MNAT1: variants seen among roughly 807,000 people sequenced by gnomAD.
The protein encoded by MNAT1 is MNAT1 component of CDK activating kinase, also known as CDK-activating kinase assembly factor MAT1.
A neutral mutation model predicts 42.0 loss-of-function variants in MNAT1; 43 were observed. The observed-to-expected ratio is 1.02, with a 90% CI of 0.80 to 1.32. The LOEUF (loss-of-function observed/expected upper bound fraction) is 1.32, where lower values mean the gene tolerates loss of function less well. MNAT1 is among the 40% of genes most tolerant of loss of function. MNAT1 has a pLI of 0.00. For synonymous variants in MNAT1, 118 were observed against 120.0 expected (o/e 0.98, Z 0.11); for missense variants, 306 against 350.4 (o/e 0.87, Z 1.01).
chr14:60,897,523 T>C (rs1211312556), intron 7 of MNAT1, among the ~76,000 whole-genome samples: 1 of 152,136 alleles, frequency 6.6e-6, no homozygotes, highest in African/African-American at 2.4e-5. Flanking sequence ...ATATCTTTAT[T>C]TAAGGTGTGT....
intron 1 of MNAT1, among the ~76,000 whole-genome samples, chr14:60,742,197 C>T (rs975235734): frequency 3.3e-5 from 5 of 151,902 alleles, no homozygotes; most frequent in Admixed American, 6.6e-5. Flanking sequence ...GGGATCCTTC[C>T]ACTTCAGCCA....
At chr14:60,799,685 G>A (rs541795663) in intron 3 of MNAT1, among the ~76,000 whole-genome samples, 73 of 151,086 alleles carry the variant, frequency 4.8e-4, no homozygotes, top group South Asian at 1.5e-3. Context: ...TTCTGACTGA[G>A]CTATGATTAA....
At position 60,811,986 on chromosome 14, in the gene MNAT1, G is replaced by T; in HGVS notation, c.421-1G>T. 1 of 1,567,688 alleles carries T rather than the reference G, an allele frequency of 6.4e-7. No individual in the cohort carries two copies. The highest frequency in any genetic ancestry group is 1.2e-5 in the South Asian group (1 of 80,016). ...ACGCCATATATAAATTTTTGTTTTA[G>T]ACTCGAGAACAGGAAGAACTGGAAG... On this transcript the variant is annotated splice_acceptor_variant, in intron 4 of 7. Coordinates refer to ENST00000261245, the MANE Select transcript of MNAT1 (RefSeq NM_002431.4). LOFTEE classifies it high-confidence loss of function.
At chr14:60,954,711 C>CT (rs2036448877) in intron 7 of MNAT1, among the ~76,000 whole-genome samples, 1 of 152,088 alleles carries the variant, frequency 6.6e-6, no homozygotes, top group Admixed American at 6.6e-5. Flanking sequence ...TTTCCTATTT[C>CT]TTCTTTTGCC....
At chr14:60,837,862 C>G (rs1442419847) in intron 6 of MNAT1, among the ~76,000 whole-genome samples, 1 of 152,134 alleles carries the variant, frequency 6.6e-6, no homozygotes, top group Non-Finnish European at 1.5e-5. Flanking sequence ...TTTAGCTATA[C>G]TATTTAAGAT....
At chr14:60,901,199 A>G (rs1452508167) in intron 7 of MNAT1, among the ~76,000 whole-genome samples, 1 of 152,104 alleles carries the variant, frequency 6.6e-6, no homozygotes, top group Non-Finnish European at 1.5e-5. Context: ...CCTGTGCTTT[A>G]TAAATGGAAT....
intron 1 of MNAT1, among the ~76,000 whole-genome samples, chr14:60,759,903 T>G (rs1281247412): frequency 6.6e-6 from 1 of 152,174 alleles, no homozygotes; most frequent in Non-Finnish European, 1.5e-5. Context: ...TTTTAAATTA[T>G]AAGAACAGTT....
chr14:60,920,920 C>T (rs1037415972), intron 7 of MNAT1, among the ~76,000 whole-genome samples: 1 of 152,164 alleles, frequency 6.6e-6, no homozygotes, highest in Non-Finnish European at 1.5e-5. Flanking sequence ...TTCAACCTTT[C>T]AAATGTAAAA....
At chr14:60,873,366 C>A (rs1013417712) in intron 6 of MNAT1, among the ~76,000 whole-genome samples, 2 of 151,990 alleles carry the variant, frequency 1.3e-5, no homozygotes, top group Non-Finnish European at 2.9e-5. Context: ...CCATTTTATA[C>A]CCATTTTGGA....
At chr14:60,826,359 C>T (rs1479293742) in intron 6 of MNAT1, among the ~76,000 whole-genome samples, 1 of 145,118 alleles carries the variant, frequency 6.9e-6, no homozygotes, top group Non-Finnish European at 1.5e-5. Context: ...CTCTGTCCCC[C>T]AGGCTGGAGT....
At chr14:60,780,172 A>G (rs996262143) in intron 1 of MNAT1, 1 of 1,519,250 alleles carries the variant, frequency 6.6e-7, no homozygotes, top group South Asian at 1.1e-5. Context: ...TAAAATACCT[A>G]AATAATGTGG....
At chr14:60,779,837 T>G in intron 1 of MNAT1, 2 of 597,868 alleles carry the variant, frequency 3.3e-6, no homozygotes, top group South Asian at 2.3e-5. Context: ...CCTGCTAGAG[T>G]GAACTTACTC....
intron 6 of MNAT1, among the ~76,000 whole-genome samples, chr14:60,836,889 T>C (rs2033405580): frequency 6.6e-6 from 1 of 152,186 alleles, no homozygotes; most frequent in Admixed American, 6.5e-5. Context: ...GAGTTTTACC[T>C]ATAAGCCCCT....
intron 7 of MNAT1, among the ~76,000 whole-genome samples, chr14:60,926,658 C>T (rs531200682): frequency 5.3e-5 from 8 of 152,230 alleles, no homozygotes; most frequent in Non-Finnish European, 5.9e-5. Context: ...GCCACGCACC[C>T]GCCACGGATC....
At chr14:60,751,661 A>G (rs910575794) in intron 1 of MNAT1, among the ~76,000 whole-genome samples, 1 of 151,972 alleles carries the variant, frequency 6.6e-6, no homozygotes, top group Non-Finnish European at 1.5e-5. Flanking sequence ...ACAAACAAAT[A>G]TATATATTCT....
At position 60,969,117 on chromosome 14, in the gene MNAT1, C is replaced by T. The variant is rs1442203885; in HGVS notation, c.*768C>T. On this transcript the variant is annotated 3_prime_UTR_variant, in exon 8 of 8. Coordinates refer to ENST00000261245, the MANE Select transcript of MNAT1 (RefSeq NM_002431.4). ...CATTTTATGATGAATCCTTTGGAGACTGGAGAAGGTACATTTTAAGTACAG... is the reference window on the plus strand; with the variant it reads ...CATTTTATGATGAATCCTTTGGAGATTGGAGAAGGTACATTTTAAGTACAG... 6.6e-6 allele frequency: 1 copy of T among 152,290 alleles called. No homozygotes were observed. Among genetic ancestry groups the T allele is most frequent in the Admixed American group, 6.5e-5 (1 of 15,278 alleles). 9.4% of individuals were successfully genotyped at this position (152,290 alleles called of 1,614,324 possible). A position where few individuals can be genotyped will look rare whatever the true frequency, so the allele number is the denominator to read the frequency against.
At chr14:60,953,864 T>A (rs527630648) in intron 7 of MNAT1, among the ~76,000 whole-genome samples, 1 of 152,318 alleles carries the variant, frequency 6.6e-6, no homozygotes, top group South Asian at 2.1e-4. Context: ...TAATTTGTTT[T>A]GCCTGGTGAT....
chr14:60,770,379 A>G (rs957368120), intron 1 of MNAT1, among the ~76,000 whole-genome samples: 4 of 152,168 alleles, frequency 2.6e-5, no homozygotes, highest in Admixed American at 6.5e-5. Flanking sequence ...TAATGCTCCA[A>G]TGAACATGGG....
At chr14:60,751,714 A>G (rs2030101987) in intron 1 of MNAT1, among the ~76,000 whole-genome samples, 1 of 152,030 alleles carries the variant, frequency 6.6e-6, no homozygotes, top group African/African-American at 2.4e-5. Flanking sequence ...AGACTTTATC[A>G]GAAATGTTTG....
Sources: allele counts gnomAD v4.1 joint callset (sites outside exome capture counted in the v4.1 genomes callset), GRCh38; gene constraint gnomAD v4.1.1; transcripts MANE v1.5; gene names NCBI Gene and HGNC (gene_info 2026-07-23, HGNC 2026-07-21).